Variants in CFAP77 observed in about 807,000 individuals in gnomAD.
CFAP77 encodes cilia- and flagella-associated protein 77.
A neutral mutation model predicts 31.1 loss-of-function variants in CFAP77; 25 were observed. The observed-to-expected ratio is 0.80, with a 90% CI of 0.59 to 1.12. CFAP77 has a LOEUF of 1.12. Among genes scored for constraint, CFAP77 ranks in the 50% most tolerant of loss-of-function variants. The pLI is 0.00. For synonymous variants in CFAP77, 151 were observed against 159.9 expected, an observed-to-expected ratio of 0.94 and a Z score of 0.42; for missense variants, 377 against 397.3, an observed-to-expected ratio of 0.95 and a Z score of 0.44.
chr9:132,482,825 A>C (rs1589877516), intron 1 of CFAP77, among the ~76,000 whole-genome samples: 2 of 105,058 alleles, frequency 1.9e-5, no homozygotes, highest in Non-Finnish European at 3.8e-5. Context: ...GGGGGGAGGG[A>C]TAGCATTAGG....
At position 132,410,327 on chromosome 9, in the gene CFAP77, AG is replaced by A. The variant is rs775638667; in HGVS notation, c.57del (p.Gln19HisfsTer18). 7.5e-6 allele frequency: 12 copies of A among 1,598,178 alleles called. No individual in the cohort carries two copies. The Admixed American group carries it at 1.0e-4, about 14-fold the overall frequency. On this transcript the variant is annotated frameshift_variant, in exon 1 of 6. Transcript: ENST00000393216. LOFTEE classifies it high-confidence loss of function. ...PDLTRWRKQQ[Q>X]PVRRTVSQVC... ...CTCACGCGATGGAGGAAGCAGCAGC[AG>A]CCTGTGCGCCGCACGGTCAGCCAGG...
At chr9:132,434,510 G>A (rs982864967) in intron 1 of CFAP77, among the ~76,000 whole-genome samples, 3 of 152,138 alleles carry the variant, frequency 2.0e-5, no homozygotes, top group African/African-American at 7.2e-5. Context: ...CAAACATCTA[G>A]ATGTATTTTC....
At chr9:132,535,581 C>T (rs1428087029) in intron 3 of CFAP77, among the ~76,000 whole-genome samples, 4 of 152,112 alleles carry the variant, frequency 2.6e-5, no homozygotes, top group Non-Finnish European at 5.9e-5. Flanking sequence ...GGTGTGGTGG[C>T]TGGTGCCTGT....
chr9:132,561,445 G>C (rs1033259043), intron 5 of CFAP77, among the ~76,000 whole-genome samples: 3 of 151,654 alleles, frequency 2.0e-5, no homozygotes, highest in Admixed American at 1.3e-4. Context: ...GGGGACCTTC[G>C]TGTGGCCAGT....
intron 3 of CFAP77, among the ~76,000 whole-genome samples, chr9:132,506,425 C>T (rs1265152018): frequency 2.6e-5 from 4 of 152,126 alleles, no homozygotes; most frequent in South Asian, 2.1e-4. Flanking sequence ...CCGGCACTGT[C>T]GATTATGATG....
chr9:132,441,693 C>A (rs186496218), intron 1 of CFAP77, among the ~76,000 whole-genome samples: 2 of 152,164 alleles, frequency 1.3e-5, no homozygotes, highest in African/African-American at 4.8e-5. Context: ...TGCCTCGGTG[C>A]GCGGAGGCAG....
intron 1 of CFAP77, among the ~76,000 whole-genome samples, chr9:132,492,462 GA>G (rs2118941901): frequency 6.6e-6 from 1 of 152,294 alleles, no homozygotes; most frequent in South Asian, 2.1e-4. Flanking sequence ...CTGCAGAGAT[GA>G]GGTCTGTGCA....
At chr9:132,506,539 G>T (rs983193305) in intron 3 of CFAP77, among the ~76,000 whole-genome samples, 9 of 151,750 alleles carry the variant, frequency 5.9e-5, no homozygotes, top group African/African-American at 2.2e-4. Context: ...CTGCTTGGGA[G>T]CCTGGGCCAC....
At chr9:132,484,960 C>T (rs368822038) in intron 1 of CFAP77, among the ~76,000 whole-genome samples, 5 of 151,694 alleles carry the variant, frequency 3.3e-5, no homozygotes, top group Admixed American at 6.6e-5. Flanking sequence ...GCGATTCTCC[C>T]GCCTCAACCT....
chr9:132,463,957 G>C (rs1471093342), intron 1 of CFAP77, among the ~76,000 whole-genome samples: 3 of 152,208 alleles, frequency 2.0e-5, no homozygotes, highest in Non-Finnish European at 1.5e-5. Flanking sequence ...GGAGCCGCCT[G>C]ATGGTTTTAG....
chr9:132,563,225 G>T (rs1199600717), intron 5 of CFAP77, among the ~76,000 whole-genome samples: 1 of 150,664 alleles, frequency 6.6e-6, no homozygotes, highest in Non-Finnish European at 1.5e-5. Flanking sequence ...ATGTTGTCCA[G>T]GCTGCTCTCG....
chr9:132,520,785 C>T (rs77063200), intron 3 of CFAP77, among the ~76,000 whole-genome samples: 11 of 152,318 alleles, frequency 7.2e-5, no homozygotes, highest in Non-Finnish European at 1.5e-4. Context: ...ATTCCTTCTG[C>T]CCCCTGGCCC....
intron 1 of CFAP77, among the ~76,000 whole-genome samples, chr9:132,443,251 A>T (rs1850647607): frequency 2.0e-5 from 3 of 147,360 alleles, no homozygotes; most frequent in African/African-American, 7.5e-5. Context: ...TTTTTGTTTT[A>T]TTTTTGTTTT....
intron 1 of CFAP77, among the ~76,000 whole-genome samples, chr9:132,479,422 G>C (rs1851407768): frequency 6.6e-6 from 1 of 152,196 alleles, no homozygotes; most frequent in Non-Finnish European, 1.5e-5. Flanking sequence ...TTCAGATACA[G>C]ACACAGCTGG....
chr9:132,417,412 C>T (rs765381550), intron 1 of CFAP77, among the ~76,000 whole-genome samples: 2 of 152,164 alleles, frequency 1.3e-5, no homozygotes, highest in South Asian at 2.1e-4. Context: ...CATGTCTGGC[C>T]GCAGTTTTTC....
At chr9:132,450,648 A>G (rs1270504582) in intron 1 of CFAP77, among the ~76,000 whole-genome samples, 1 of 152,210 alleles carries the variant, frequency 6.6e-6, no homozygotes, top group Non-Finnish European at 1.5e-5. Flanking sequence ...TAGACAGGCC[A>G]TGAGCTTAAC....
intron 5 of CFAP77, among the ~76,000 whole-genome samples, chr9:132,558,400 T>TA (rs1476463184): frequency 6.6e-6 from 1 of 152,220 alleles, no homozygotes; most frequent in Non-Finnish European, 1.5e-5. Context: ...ATATATAAAT[T>TA]ACTCTTATAA....
intron 5 of CFAP77, among the ~76,000 whole-genome samples, chr9:132,553,520 C>T (rs1852853070): frequency 6.6e-6 from 1 of 152,220 alleles, no homozygotes; most frequent in Non-Finnish European, 1.5e-5. Context: ...TTTTCAAGTG[C>T]AGTGGAAATC....
chr9:132,421,002 C>CTTT (rs754764941), intron 1 of CFAP77, among the ~76,000 whole-genome samples: 6 of 74,530 alleles, frequency 8.1e-5, no homozygotes, highest in African/African-American at 2.2e-4. Context: ...TGGCTTGTGT[C>CTTT]TTTTTTTTTT....
Sources: allele counts gnomAD v4.1 joint callset (sites outside exome capture counted in the v4.1 genomes callset), GRCh38; gene constraint gnomAD v4.1.1; transcripts MANE v1.5; gene names NCBI Gene and HGNC (gene_info 2026-07-23, HGNC 2026-07-21).